SEMA3E: variants seen among roughly 807,000 people sequenced by gnomAD.
SEMA3E encodes the protein semaphorin 3E, also known as semaphorin-3E.
SEMA3E carries 49 observed loss-of-function variants against 93.6 expected under a neutral mutation model. That is an observed-to-expected ratio of 0.52 (90% CI 0.42 to 0.66). The LOEUF is 0.66. Among genes scored for constraint, SEMA3E ranks in the 30% least tolerant of loss-of-function variants. The pLI, the probability that SEMA3E is intolerant of heterozygous loss-of-function variation, is 0.00. For synonymous variants in SEMA3E, 363 were observed against 330.7 expected (o/e 1.10, Z -1.06); for missense variants, 906 against 964.8 (o/e 0.94, Z 0.81).
chr7:83,378,066 T>G (rs1017965613), intron 16 of SEMA3E, among the ~76,000 whole-genome samples: 1 of 151,850 alleles, frequency 6.6e-6, no homozygotes, highest in Non-Finnish European at 1.5e-5. Context: ...TTTTGTCCTC[T>G]GCTATTACAG....
intron 2 of SEMA3E, among the ~76,000 whole-genome samples, chr7:83,488,207 A>G (rs774834721): frequency 1.1e-4 from 16 of 152,126 alleles, no homozygotes; most frequent in Non-Finnish European, 2.1e-4. Flanking sequence ...AATCTGACTT[A>G]GAGGAGTCCC....
At chr7:83,523,719 T>C (rs1294514653) in intron 1 of SEMA3E, among the ~76,000 whole-genome samples, 1 of 152,134 alleles carries the variant, frequency 6.6e-6, no homozygotes, top group Non-Finnish European at 1.5e-5. Context: ...TGTTAAGGCC[T>C]TTTCCTATCT....
chr7:83,588,534 T>TC (rs1478990253), intron 1 of SEMA3E, among the ~76,000 whole-genome samples: 1 of 152,166 alleles, frequency 6.6e-6, no homozygotes, highest in African/African-American at 2.4e-5. Context: ...GTGAAGAATC[T>TC]CCAGTGTATA....
chr7:83,399,534 C>T (rs547612137), intron 11 of SEMA3E, among the ~76,000 whole-genome samples: 1 of 152,262 alleles, frequency 6.6e-6, no homozygotes, highest in Admixed American at 6.5e-5. Flanking sequence ...CTCCAGGACT[C>T]GCTGAGCAAA....
chr7:83,385,177 T>C, intron 16 of SEMA3E, 117 bp downstream of exon 16: 1 of 986,966 alleles, frequency 1.0e-6, no homozygotes, highest in Non-Finnish European at 1.5e-6. Context: ...ACTTATTAAA[T>C]AAGGCATGCA....
intron 14 of SEMA3E, among the ~76,000 whole-genome samples, chr7:83,392,041 C>A (rs1325498428): frequency 6.6e-6 from 1 of 152,116 alleles, no homozygotes; most frequent in Admixed American, 6.6e-5. Context: ...CTGGGATTTA[C>A]CTTCTGTAGG....
intron 1 of SEMA3E, among the ~76,000 whole-genome samples, chr7:83,626,916 C>G: frequency 6.6e-6 from 1 of 152,126 alleles, no homozygotes; most frequent in East Asian, 1.9e-4. Context: ...TCTTTCTTCT[C>G]ATTGGTTTCA....
intron 1 of SEMA3E, among the ~76,000 whole-genome samples, chr7:83,553,993 A>C (rs2115811100): frequency 6.6e-6 from 1 of 152,264 alleles, no homozygotes; most frequent in Non-Finnish European, 1.5e-5. Flanking sequence ...AACTTTTTAA[A>C]AAATTTGCTG....
At chr7:83,414,692 C>T (rs962688928) in intron 5 of SEMA3E, among the ~76,000 whole-genome samples, 1 of 151,964 alleles carries the variant, frequency 6.6e-6, no homozygotes, top group African/African-American at 2.4e-5. Flanking sequence ...ATTTAGTGTG[C>T]ATTTACTTTG....
At chr7:83,493,602 A>G (rs3801514) in intron 1 of SEMA3E, among the ~76,000 whole-genome samples, 47,954 of 151,728 alleles carry the variant, frequency 0.32, 8,165 homozygotes, top group Middle Eastern at 0.48. Flanking sequence ...TTCATAATAT[A>G]AAAAAAGAAA....
chr7:83,497,643 A>G (rs1386816325), intron 1 of SEMA3E, among the ~76,000 whole-genome samples: 2 of 152,238 alleles, frequency 1.3e-5, no homozygotes, highest in African/African-American at 4.8e-5. Context: ...TGATGTTGAA[A>G]CAGATTCGTA....
At chr7:83,370,676 A>G (rs1794737946) in intron 16 of SEMA3E, among the ~76,000 whole-genome samples, 1 of 152,068 alleles carries the variant, frequency 6.6e-6, no homozygotes, top group South Asian at 2.1e-4. Context: ...ATTAAATATC[A>G]TCTTCCCAAA....
At chr7:83,584,953 G>A (rs1562843436) in intron 1 of SEMA3E, among the ~76,000 whole-genome samples, 3 of 152,026 alleles carry the variant, frequency 2.0e-5, no homozygotes, top group Non-Finnish European at 4.4e-5. Flanking sequence ...TTACTACTGG[G>A]AAAAATTCTC....
chr7:83,536,023 C>T (rs1289684020), intron 1 of SEMA3E, among the ~76,000 whole-genome samples: 1 of 152,122 alleles, frequency 6.6e-6, no homozygotes, highest in Non-Finnish European at 1.5e-5. Flanking sequence ...TCTATATACA[C>T]CAATGATGGA....
At chr7:83,594,934 G>A (rs1792836407) in intron 1 of SEMA3E, among the ~76,000 whole-genome samples, 1 of 147,562 alleles carries the variant, frequency 6.8e-6, no homozygotes, top group East Asian at 2.0e-4. Context: ...GGAGGGCTGA[G>A]TTTTCCAGAG....
intron 14 of SEMA3E, among the ~76,000 whole-genome samples, chr7:83,391,363 G>T (rs2115576116): frequency 6.6e-6 from 1 of 152,134 alleles, no homozygotes; most frequent in South Asian, 2.1e-4. Flanking sequence ...TAGACAAGAG[G>T]TTATGCTTGT....
chr7:83,392,776 T>A, intron 13 of SEMA3E, 55 bp from the exon 14 acceptor site: 2 of 1,498,340 alleles, frequency 1.3e-6, no homozygotes, highest in South Asian at 2.3e-5. Context: ...TTCACTGAGC[T>A]ATTACACCTA....
At chr7:83,480,178 C>T (rs185792111) in intron 2 of SEMA3E, among the ~76,000 whole-genome samples, 92 of 152,266 alleles carry the variant, frequency 6.0e-4, no homozygotes, top group Middle Eastern at 3.4e-3. Flanking sequence ...CAGTGGCTCA[C>T]GCCTGTAATC....
intron 4 of SEMA3E, among the ~76,000 whole-genome samples, chr7:83,460,138 G>A (rs1276499354): frequency 2.0e-5 from 3 of 152,206 alleles, no homozygotes; most frequent in African/African-American, 4.8e-5. Flanking sequence ...CCGTGATTCA[G>A]ATCGGGGGAC....
Sources: gnomAD v4.1 joint callset for allele counts (sites outside exome capture counted in the v4.1 genomes callset) on GRCh38, gnomAD v4.1.1 for gene constraint, MANE v1.5 for transcripts, NCBI Gene and HGNC (gene_info 2026-07-23, HGNC 2026-07-21) for gene names.